Variants in LRRC28 observed in about 807,000 individuals in gnomAD.
LRRC28 encodes leucine rich repeat containing 28, also known as leucine-rich repeat-containing protein 28.
A neutral mutation model predicts 45.7 loss-of-function variants in LRRC28; 39 were observed. The observed-to-expected ratio is 0.85, with a 90% CI of 0.66 to 1.12. The LOEUF is 1.12. Among genes scored for constraint, LRRC28 ranks in the 50% most tolerant of loss-of-function variants. The pLI, the probability that LRRC28 is intolerant of heterozygous loss-of-function variation, is 0.00. For synonymous variants in LRRC28, 206 were observed against 178.8 expected (o/e 1.15, Z -1.22); for missense variants, 435 against 438.5 (o/e 0.99, Z 0.07).
chr15:99,347,362 C>A (rs1956722745), intron 6 of LRRC28, among the ~76,000 whole-genome samples: 1 of 152,134 alleles, frequency 6.6e-6, no homozygotes, highest in African/African-American at 2.4e-5. Flanking sequence ...GGTGCCCGCA[C>A]CATGCCTGGC....
chr15:99,374,734 G>A (rs974941179), intron 9 of LRRC28, among the ~76,000 whole-genome samples: 23 of 151,850 alleles, frequency 1.5e-4, no homozygotes, highest in African/African-American at 5.1e-4. Context: ...GAGTGCAGTG[G>A]CATGATCTCG....
chr15:99,354,422 A>G (rs1056788464), intron 7 of LRRC28, among the ~76,000 whole-genome samples: 3 of 152,208 alleles, frequency 2.0e-5, no homozygotes, highest in Non-Finnish European at 4.4e-5. Flanking sequence ...GTTCCAGTTC[A>G]AAGTAGTGTT....
chr15:99,383,302 G>A (rs192130238), intron 9 of LRRC28, among the ~76,000 whole-genome samples: 60 of 152,300 alleles, frequency 3.9e-4, no homozygotes, highest in African/African-American at 1.4e-3. Flanking sequence ...GGGCAATAAG[G>A]TACCCAGGGA....
intron 5 of LRRC28, among the ~76,000 whole-genome samples, chr15:99,312,321 A>T (rs1165839845): frequency 6.6e-6 from 1 of 152,186 alleles, no homozygotes; most frequent in African/African-American, 2.4e-5. Context: ...CTTTATTGTT[A>T]AAAACTGAGA....
intron 9 of LRRC28, among the ~76,000 whole-genome samples, chr15:99,381,431 G>A (rs11247085): frequency 0.13 from 19,209 of 152,118 alleles, 1,421 homozygotes; most frequent in East Asian, 0.31. Context: ...TTAGCCATTC[G>A]TCTAATCTTT....
intron 5 of LRRC28, among the ~76,000 whole-genome samples, chr15:99,293,637 A>C (rs12910952): frequency 1.5e-5 from 2 of 136,980 alleles, no homozygotes; most frequent in South Asian, 2.5e-4. Context: ...AAAAAAACCT[A>C]AACAATATTT....
At chr15:99,363,291 G>T (rs934864556) in intron 9 of LRRC28, 26 bp downstream of exon 9, 1 of 1,610,940 alleles carries the variant, frequency 6.2e-7, no homozygotes, top group Non-Finnish European at 8.5e-7. Flanking sequence ...TGGGCACCAG[G>T]GTTTACACCC....
In LRRC28 at chr15:99,251,515, C is replaced by T. The variant is rs940007055; in HGVS notation, c.-87C>T. On this transcript the variant is annotated 5_prime_UTR_variant, in exon 1 of 10. Coordinates refer to ENST00000301981, the MANE Select transcript of LRRC28 (RefSeq NM_144598.5). ...TTGGCTTCCAGCGCCGCTTGCGCTC[C>T]GGAGCGCTGGCTCTGCTGGCGCTGA... The T allele has an allele frequency of 1.3e-5, 2 of 152,300 alleles. No individual in the cohort carries two copies. The highest frequency in any genetic ancestry group is 2.9e-5 in the Non-Finnish European group (2 of 68,034). The allele number at this position is 152,300 out of a possible 1,614,324, so 9.4% of individuals were successfully genotyped here. A position where few individuals can be genotyped will look rare whatever the true frequency, so the allele number is the denominator to read the frequency against.
chr15:99,284,483 T>G (rs1325576957), intron 3 of LRRC28: 2 of 449,098 alleles, frequency 4.5e-6, no homozygotes, highest in African/African-American at 4.0e-5. Context: ...AGTATTTGTC[T>G]AAACCATGTC....
intron 2 of LRRC28, among the ~76,000 whole-genome samples, chr15:99,274,101 A>G (rs1420487974): frequency 6.6e-6 from 1 of 152,242 alleles, no homozygotes; most frequent in Non-Finnish European, 1.5e-5. Flanking sequence ...CAGTATAGAA[A>G]TATGGGGCAA....
chr15:99,288,519 T>C (rs1487241779), intron 5 of LRRC28, among the ~76,000 whole-genome samples: 1 of 151,698 alleles, frequency 6.6e-6, no homozygotes, highest in Non-Finnish European at 1.5e-5. Context: ...GTAGCTGAGA[T>C]TACAGGCGCG....
At chr15:99,265,563 A>G (rs773226742) in intron 2 of LRRC28, among the ~76,000 whole-genome samples, 4 of 152,192 alleles carry the variant, frequency 2.6e-5, no homozygotes, top group African/African-American at 9.7e-5. Flanking sequence ...CCTTCCCTGC[A>G]TCGGTCCCTG....
At chr15:99,285,025 T>C (rs76721555) in intron 3 of LRRC28, 5 of 649,904 alleles carry the variant, frequency 7.7e-6, no homozygotes, top group Non-Finnish European at 1.5e-5. Context: ...GCACTAGCCA[T>C]CTCTTGGCTT....
rs750690007 is a variant in LRRC28, at chr15:99,333,915, G to C, written c.386-8G>C. ...TGCAATTTATCCTAATTTTGATTTTGGTTGTAGAGGTTGGCGATTTGAAGG... is the reference window on the plus strand; with the variant it reads ...TGCAATTTATCCTAATTTTGATTTTCGTTGTAGAGGTTGGCGATTTGAAGG... On this transcript the variant is annotated splice_polypyrimidine_tract_variant and splice_region_variant and intron_variant, in intron 5 of 9. Transcript: ENST00000301981. 1.1e-5 allele frequency: 17 copies of C among 1,613,500 alleles called. No individual in the cohort carries two copies. In the African/African-American group the frequency reaches 2.1e-4, roughly 20 times the overall value.
At chr15:99,301,247 A>G (rs1391191347) in intron 5 of LRRC28, among the ~76,000 whole-genome samples, 1 of 152,248 alleles carries the variant, frequency 6.6e-6, no homozygotes, top group Non-Finnish European at 1.5e-5. Flanking sequence ...AATATAGACT[A>G]TAGAATACTA....
intron 5 of LRRC28, among the ~76,000 whole-genome samples, chr15:99,318,437 A>G (rs1955675145): frequency 2.0e-5 from 3 of 152,104 alleles, no homozygotes; most frequent in African/African-American, 7.2e-5. Context: ...AATTTTTATT[A>G]TAGAAGTAGT....
At chr15:99,380,524 C>A (rs56033877) in intron 9 of LRRC28, among the ~76,000 whole-genome samples, 18,156 of 152,120 alleles carry the variant, frequency 0.12, 1,324 homozygotes, top group East Asian at 0.31. Flanking sequence ...GAGCATTTAG[C>A]CCATTTACAT....
chr15:99,381,989 T>G (rs146595964), intron 9 of LRRC28, among the ~76,000 whole-genome samples: 581 of 152,292 alleles, frequency 3.8e-3, no homozygotes, highest in African/African-American at 0.013. Context: ...GGGACCCACT[T>G]GAGGGGGCAG....
At chr15:99,351,153 G>A (rs562955715) in intron 6 of LRRC28, among the ~76,000 whole-genome samples, 2 of 152,180 alleles carry the variant, frequency 1.3e-5, no homozygotes, top group African/African-American at 4.8e-5. Flanking sequence ...AGACTGCTCA[G>A]GACTCTGTTG....
Sources: gnomAD v4.1 joint callset for allele counts (sites outside exome capture counted in the v4.1 genomes callset) on GRCh38, gnomAD v4.1.1 for gene constraint, MANE v1.5 for transcripts, NCBI Gene and HGNC (gene_info 2026-07-23, HGNC 2026-07-21) for gene names.